Variants in ANKRD18B observed in about 807,000 individuals in gnomAD.
ANKRD18B encodes the protein ankyrin repeat domain 18B.
Under a neutral mutation model 111.8 loss-of-function variants are expected in ANKRD18B, and 75 were observed. The observed-to-expected ratio is 0.67, with a 90% confidence interval of 0.56 to 0.81. The LOEUF (loss-of-function observed/expected upper bound fraction) is 0.81, where lower values mean the gene tolerates loss of function less well. ANKRD18B is among the 40% of genes least tolerant of loss of function. ANKRD18B has a pLI of 0.00. For synonymous variants in ANKRD18B, 356 were observed against 417.3 expected (o/e 0.85, Z 1.79); for missense variants, 1,038 against 1,225.5 (o/e 0.85, Z 2.28).
At chr9:33,549,356 A>G (rs1197820922) in intron 11 of ANKRD18B, among the ~76,000 whole-genome samples, 1 of 152,178 alleles carries the variant, frequency 6.6e-6, no homozygotes, top group African/African-American at 2.4e-5. Flanking sequence ...GAGTAAAGAC[A>G]TTATGTCACC....
intron 14 of ANKRD18B, among the ~76,000 whole-genome samples, chr9:33,558,502 C>T (rs1828560866): frequency 6.6e-6 from 1 of 152,114 alleles, no homozygotes; most frequent in African/African-American, 2.4e-5. Flanking sequence ...TCGAGTTCAT[C>T]CATGTCCCTG....
chr9:33,533,322 G>A, intron 3 of ANKRD18B, 117 bp from the exon 4 acceptor site: 1 of 1,479,362 alleles, frequency 6.8e-7, no homozygotes, highest in East Asian at 2.5e-5. Flanking sequence ...GGACTGCTTT[G>A]CATTTACTTT....
intron 10 of ANKRD18B, among the ~76,000 whole-genome samples, chr9:33,544,022 T>A (rs1828320935): frequency 6.6e-6 from 1 of 152,240 alleles, no homozygotes; most frequent in African/African-American, 2.4e-5. Flanking sequence ...TGGCTTCTAA[T>A]AATTTAGCAT....
In ANKRD18B at chr9:33,548,574, C is replaced by T. The variant is rs1828399633; in HGVS notation, c.1786C>T (p.His596Tyr). 1 of 1,551,192 alleles carries T rather than the reference C, an allele frequency of 6.4e-7. No homozygotes were observed. Among genetic ancestry groups the T allele is most frequent in the Admixed American group, 2.0e-5 (1 of 50,924 alleles). Residue 596 changes from histidine to tyrosine, a missense_variant, in exon 11 of 19, where the codon CAT becomes TAT. This residue lies in a region of ANKRD18B where 524 missense variants were observed against 677.9 expected (regional missense o/e 0.77). Transcript: ENST00000684830. ...TCGAATAAAGGAAATGAAGCAGATG[C>T]ATCCAAATGGGGAAGCTAAAGAAAG... is the stretch of plus-strand genomic sequence containing the variant. ...QHRIKEMKQM[H>Y]PNGEAKESQS...
chr9:33,542,531 G>C (rs1342208697), intron 9 of ANKRD18B, among the ~76,000 whole-genome samples: 3 of 152,000 alleles, frequency 2.0e-5, no homozygotes, highest in Non-Finnish European at 2.9e-5. Flanking sequence ...TGTAGGCACA[G>C]ACCACTATGC....
At chr9:33,545,834 G>T (rs1212249242) in intron 10 of ANKRD18B, among the ~76,000 whole-genome samples, 1 of 152,120 alleles carries the variant, frequency 6.6e-6, no homozygotes, top group African/African-American at 2.4e-5. Flanking sequence ...TATCTGATCC[G>T]TTCTGGTTTT....
chr9:33,529,106 A>G lies in ANKRD18B; in HGVS notation c.428A>G (p.Tyr143Cys). 2 of 1,612,026 alleles carry G rather than the reference A, an allele frequency of 1.2e-6. No homozygotes were observed. The highest frequency in any genetic ancestry group is 1.7e-6 in the Non-Finnish European group (2 of 1,179,854). Residue 143 changes from tyrosine to cysteine, a missense_variant, in exon 3 of 19, where the codon TAT (tyrosine) becomes TGT (cysteine). Around this residue, in one of 4 missense-constraint regions of ANKRD18B, gnomAD observed 216 missense variants for 205.1 expected, o/e 1.05. Transcript: ENST00000684830. ...AACACTGCTCTCCATTATGCCGTGT[A>G]TAATGAGGGGACTTCACTGGCAGAA... ...YGNTALHYAV[Y>C]NEGTSLAERL...
At chr9:33,560,894 G>C (rs1828596354) in intron 14 of ANKRD18B, among the ~76,000 whole-genome samples, 1 of 152,190 alleles carries the variant, frequency 6.6e-6, no homozygotes. Context: ...AGACCCAGGA[G>C]GCAGAGGTTG....
At chr9:33,568,038 T>A (rs938452951) in intron 16 of ANKRD18B, among the ~76,000 whole-genome samples, 4 of 152,196 alleles carry the variant, frequency 2.6e-5, no homozygotes, top group African/African-American at 9.7e-5. Flanking sequence ...TTCTTTTTGA[T>A]CACCAACCAA....
chr9:33,560,896 C>G (rs961823012), intron 14 of ANKRD18B, among the ~76,000 whole-genome samples: 2 of 152,122 alleles, frequency 1.3e-5, no homozygotes, highest in Non-Finnish European at 2.9e-5. Context: ...ACCCAGGAGG[C>G]AGAGGTTGCA....
downstream of ANKRD18B, among the ~76,000 whole-genome samples, chr9:33,574,844 CTCCTGTT>C (rs1828837795): frequency 6.6e-6 from 1 of 152,192 alleles, no homozygotes; most frequent in African/African-American, 2.4e-5. Flanking sequence ...CCCAAGCAGG[CTCCTGTT>C]GTGGTGGGTT....
At chr9:33,573,409 G>A (rs191976843), downstream of ANKRD18B, 20 of 547,838 alleles carry the variant, frequency 3.7e-5, 2 homozygotes, top group African/African-American at 2.5e-4. Context: ...TCTCTAGATC[G>A]GGGCTCTGTG....
Position 33,547,963 on chromosome 9 carries a change from A to G in ANKRD18B, c.1175A>G (p.Lys392Arg), listed in dbSNP as rs1359290126. The G allele has an allele frequency of 8.3e-6, 12 of 1,440,538 alleles. No individual in the cohort carries two copies. The highest frequency in any genetic ancestry group is 9.1e-6 in the Non-Finnish European group (10 of 1,096,088). 89.2% of individuals were successfully genotyped at this position (1,440,538 alleles called of 1,614,324 possible). Residue 392 changes from lysine to arginine, a missense_variant, in exon 11 of 19, where the codon AAG becomes AGG. Transcript: ENST00000684830. ...GATTCTCAAAGTTATGGAAAAAAGA[A>G]GGATGAGATGTTTGGAAATTTTATG... The part of the protein sequence containing the change: ...PQDSQSYGKK[K>R]DEMFGNFMLK...
rs142533335 is a variant in ANKRD18B at position 33,558,366 on chromosome 9, C to A, written c.2460+179C>A. On this transcript the variant is annotated intron_variant, in intron 14 of 18. Transcript: ENST00000684830. The stretch of plus-strand genomic sequence containing the variant: ...TTGATGCTCCCCCTCCTGACCCCAA[C>A]AAGCCCCAGTGTTTGTTGTTCCCCC... Among the ~76,000 whole-genome samples the A allele has an allele frequency of 5.9e-5, 9 of 152,236 alleles. No homozygotes were observed. In the East Asian group the frequency reaches 1.5e-3, roughly 26 times the overall value.
intron 15 of ANKRD18B, among the ~76,000 whole-genome samples, chr9:33,566,772 G>A (rs1275799258): frequency 1.3e-5 from 2 of 152,128 alleles, no homozygotes; most frequent in East Asian, 1.9e-4. Flanking sequence ...AGAGAAAACT[G>A]TGATTTAGAA....
chr9:33,531,492 C>T (rs1219817587), intron 3 of ANKRD18B, among the ~76,000 whole-genome samples: 3 of 151,316 alleles, frequency 2.0e-5, no homozygotes, highest in African/African-American at 4.9e-5. Context: ...GTCTGGACCT[C>T]AGGCTTAAGA....
chr9:33,555,594 C>T, intron 12 of ANKRD18B, 114 bp from the exon 13 acceptor site: 2 of 848,232 alleles, frequency 2.4e-6, no homozygotes, highest in Non-Finnish European at 1.6e-6. Flanking sequence ...GTAAAATGCA[C>T]TTTATACAAC....
intron 1 of ANKRD18B, among the ~76,000 whole-genome samples, chr9:33,525,751 T>C (rs1030181356): frequency 3.7e-4 from 56 of 150,230 alleles, no homozygotes; most frequent in Admixed American, 2.3e-3. Flanking sequence ...TATATATTTT[T>C]ACTAATATAT....
intron 12 of ANKRD18B, among the ~76,000 whole-genome samples, chr9:33,550,848 C>CT (rs1828436303): frequency 6.6e-6 from 1 of 152,116 alleles, no homozygotes. Context: ...AGAAAATTGA[C>CT]TTTTTTCCTG....
Sources: gnomAD v4.1 joint callset for allele counts (sites outside exome capture counted in the v4.1 genomes callset) on GRCh38, gnomAD v4.1.1 for gene constraint, gnomAD v4.1.1 regional missense constraint, MANE v1.5 for transcripts, NCBI Gene and HGNC (gene_info 2026-07-23, HGNC 2026-07-21) for gene names.